Variants in XKR4 observed in about 807,000 individuals in gnomAD.
XKR4 encodes XK related 4.
In XKR4, 12 loss-of-function variants were observed where a neutral mutation model predicts 53.9. The observed-to-expected ratio is 0.22, with a 90% confidence interval of 0.14 to 0.36. The LOEUF (loss-of-function observed/expected upper bound fraction) is 0.36. XKR4 is among the 10% of genes least tolerant of loss of function. The pLI is 1.00. For missense variants in XKR4, 799 were observed against 859.5 expected (o/e 0.93, Z 0.88); for synonymous variants, 354 against 362.4 (o/e 0.98, Z 0.26).
intron 2 of XKR4, chr8:55,454,356 G>T (rs1378502790): frequency 1.1e-5 from 16 of 1,508,176 alleles, no homozygotes; most frequent in Non-Finnish European, 1.5e-5. Context: ...AGCTGGGCCG[G>T]CAGGATGGGC....
rs148586300 is a variant in XKR4, at chr8:55,365,429, A to G, written c.1006+7552A>G. Among the ~76,000 whole-genome samples the G allele has an allele frequency of 7.2e-3, 1,099 of 152,274 alleles. 8 individuals are homozygous for G. The highest frequency in any genetic ancestry group is 0.025 in the African/African-American group (1,034 of 41,576). ...AGATAATTTTAAAGAAGGGGGCTGGACGCGGTGACTCACGCCTGTAATCCC... is the reference window on the plus strand; with the variant it reads ...AGATAATTTTAAAGAAGGGGGCTGGGCGCGGTGACTCACGCCTGTAATCCC... On this transcript the variant is annotated intron_variant, in intron 2 of 2. Transcript: ENST00000327381.
chr8:55,364,361 C>T (rs1248175503), intron 2 of XKR4, among the ~76,000 whole-genome samples: 1 of 152,228 alleles, frequency 6.6e-6, no homozygotes, highest in Non-Finnish European at 1.5e-5. Context: ...GAAGGATGCT[C>T]ATCATCGCGA....
intron 1 of XKR4, among the ~76,000 whole-genome samples, chr8:55,114,722 T>C (rs1816281884): frequency 6.6e-6 from 1 of 152,200 alleles, no homozygotes; most frequent in Non-Finnish European, 1.5e-5. Context: ...GAGCTGGGAC[T>C]GCAGGCAGGT....
intron 2 of XKR4, among the ~76,000 whole-genome samples, chr8:55,479,487 G>C (rs186499271): frequency 7.2e-5 from 11 of 152,106 alleles, no homozygotes; most frequent in Non-Finnish European, 1.5e-4. Flanking sequence ...AAAATTAAAA[G>C]AATTAGAAAA....
At chr8:55,472,806 G>C (rs1805909971) in intron 2 of XKR4, among the ~76,000 whole-genome samples, 1 of 152,022 alleles carries the variant, frequency 6.6e-6, no homozygotes, top group Non-Finnish European at 1.5e-5. Flanking sequence ...AAGAATAATG[G>C]GGGGTGAGGA....
rs566108384 is a variant in XKR4 at position 55,471,527 on chromosome 8, G to A, written c.1007-51754G>A. 2.6e-5 allele frequency among the ~76,000 whole-genome samples: 4 copies of A among 152,236 alleles called. No individual in the cohort carries two copies. In the South Asian group the frequency reaches 8.3e-4, roughly 32 times the overall value. ...ATTCTGGTGTTCACTAACATGTGAA[G>A]GCCATGGATTTAGAGGAAGGAACAG... On this transcript the variant is annotated intron_variant, in intron 2 of 2. Coordinates refer to ENST00000327381, the MANE Select transcript of XKR4 (RefSeq NM_052898.2).
chr8:55,279,752 C>A (rs1204536938), intron 1 of XKR4, among the ~76,000 whole-genome samples: 1 of 152,242 alleles, frequency 6.6e-6, no homozygotes, highest in East Asian at 1.9e-4. Context: ...ATCATGAAGT[C>A]GTGCTCATTT....
chr8:55,305,300 C>T (rs776021309), intron 1 of XKR4, among the ~76,000 whole-genome samples: 8 of 152,150 alleles, frequency 5.3e-5, no homozygotes, highest in East Asian at 3.9e-4. Flanking sequence ...GTGCTGATGG[C>T]GTTGTGCCAG....
chr8:55,495,740 G>T (rs1806336794), intron 2 of XKR4, among the ~76,000 whole-genome samples: 1 of 152,218 alleles, frequency 6.6e-6, no homozygotes, highest in Admixed American at 6.5e-5. Flanking sequence ...TGGATTGGGG[G>T]CAGCTCAGTC....
At chr8:55,130,954 G>A (rs1816545018) in intron 1 of XKR4, among the ~76,000 whole-genome samples, 1 of 152,154 alleles carries the variant, frequency 6.6e-6, no homozygotes, top group Admixed American at 6.5e-5. Flanking sequence ...GAGGTCGGGA[G>A]TTTGAGACCA....
chr8:55,403,367 C>T (rs769411025), intron 2 of XKR4, among the ~76,000 whole-genome samples: 6 of 152,162 alleles, frequency 3.9e-5, no homozygotes, highest in Non-Finnish European at 8.8e-5. Context: ...TATAGCTAGG[C>T]TACTTCTGTG....
At chr8:55,430,476 A>G (rs915144600) in intron 2 of XKR4, among the ~76,000 whole-genome samples, 1 of 152,218 alleles carries the variant, frequency 6.6e-6, no homozygotes, top group Non-Finnish European at 1.5e-5. Context: ...TAGATTATAC[A>G]AATACTGAGC....
At chr8:55,228,865 AC>A (rs1692950403) in intron 1 of XKR4, among the ~76,000 whole-genome samples, 2 of 152,090 alleles carry the variant, frequency 1.3e-5, no homozygotes, top group Non-Finnish European at 2.9e-5. Flanking sequence ...ACACACACAC[AC>A]ACACATTCTC....
chr8:55,485,599 A>G (rs2939668), intron 2 of XKR4, among the ~76,000 whole-genome samples: 112,661 of 152,082 alleles, frequency 0.74, 42,431 homozygotes, highest in African/African-American at 0.88. Flanking sequence ...GGCTGGTCTC[A>G]AACTCCTTAC....
chr8:55,330,151 T>C (rs1803362784), intron 1 of XKR4, among the ~76,000 whole-genome samples: 1 of 152,122 alleles, frequency 6.6e-6, no homozygotes, highest in Non-Finnish European at 1.5e-5. Flanking sequence ...GATTTTTAAT[T>C]GACATATAAT....
chr8:55,258,335 T>G (rs1177698048), intron 1 of XKR4, among the ~76,000 whole-genome samples: 4 of 152,178 alleles, frequency 2.6e-5, no homozygotes, highest in Non-Finnish European at 5.9e-5. Flanking sequence ...GGCCTGCACA[T>G]GGATCACAGG....
intron 2 of XKR4, among the ~76,000 whole-genome samples, chr8:55,494,126 T>C (rs73593495): frequency 0.055 from 8,309 of 152,210 alleles, 624 homozygotes; most frequent in East Asian, 0.28. Context: ...ATGAGTGGAG[T>C]GTGGGGTCCA....
intron 2 of XKR4, among the ~76,000 whole-genome samples, chr8:55,391,903 C>T (rs184035174): frequency 2.0e-5 from 3 of 152,240 alleles, no homozygotes; most frequent in African/African-American, 4.8e-5. Context: ...AGATCTTACA[C>T]TTTAATAGTC....
In XKR4 at chr8:55,289,579, GGA is replaced by G. The variant is rs1288458041; in HGVS notation, c.807-68098_807-68097del. Among the ~76,000 whole-genome samples, 602 of 95,036 alleles carry G rather than the reference GGA, an allele frequency of 6.3e-3. 4 individuals carry two copies. Among genetic ancestry groups the G allele is most frequent in the East Asian group, 0.011 (29 of 2,602 alleles). 62.3% of individuals were successfully genotyped at this position (95,036 alleles called of 152,430 possible). ...AAGGAAGGAAGGAAGGAGAGAGAAA[GGA>G]AGAAAGAAAGAGAAAGAAAGAAAGA... is the stretch of plus-strand genomic sequence containing the variant. On this transcript the variant is annotated intron_variant, in intron 1 of 2. Coordinates refer to ENST00000327381, the MANE Select transcript of XKR4 (RefSeq NM_052898.2).
Sources: gnomAD v4.1 joint callset for allele counts (sites outside exome capture counted in the v4.1 genomes callset) on GRCh38, gnomAD v4.1.1 for gene constraint, MANE v1.5 for transcripts, NCBI Gene and HGNC (gene_info 2026-07-23, HGNC 2026-07-21) for gene names.